The following EYS variants were observed in gnomAD, a reference collection of about 807,000 sequenced individuals.
EYS encodes protein eyes shut homolog.
EYS carries 250 observed loss-of-function variants against 282.1 expected under a neutral mutation model. The observed-to-expected ratio is 0.89, with a 90% CI of 0.80 to 0.98. EYS has a LOEUF of 0.98. EYS is among the 50% of genes least tolerant of loss of function. The pLI, the probability that EYS is intolerant of heterozygous loss-of-function variation, is 0.00. For missense variants in EYS, 4,016 were observed against 3,709.0 expected, an observed-to-expected ratio of 1.08 and a Z score of -2.15; for synonymous variants, 1,355 against 1,282.9, an observed-to-expected ratio of 1.06 and a Z score of -1.20.
At chr6:65,374,297 C>G (rs1367616957) in intron 8 of EYS, among the ~76,000 whole-genome samples, 1 of 152,054 alleles carries the variant, frequency 6.6e-6, no homozygotes, top group Non-Finnish European at 1.5e-5. Context: ...CATAAGGGGT[C>G]AGGGACCTCC....
intron 35 of EYS, among the ~76,000 whole-genome samples, chr6:63,875,877 T>G (rs556615205): frequency 6.6e-6 from 1 of 152,198 alleles, no homozygotes; most frequent in East Asian, 1.9e-4. Flanking sequence ...TCTTTGTTAG[T>G]CTTGCTAGCG....
At chr6:64,660,027 G>T (rs1389878125) in intron 22 of EYS, among the ~76,000 whole-genome samples, 1 of 152,168 alleles carries the variant, frequency 6.6e-6, no homozygotes, top group Non-Finnish European at 1.5e-5. Context: ...ACATCAAAAA[G>T]CTTATCCACT....
At chr6:65,606,362 C>G (rs1315432943) in intron 2 of EYS, among the ~76,000 whole-genome samples, 1 of 151,636 alleles carries the variant, frequency 6.6e-6, no homozygotes, top group Admixed American at 6.6e-5. Context: ...AAATGTAATT[C>G]TAATTGCCTA....
intron 14 of EYS, among the ~76,000 whole-genome samples, chr6:64,980,954 C>G (rs9351477): frequency 0.068 from 10,239 of 151,358 alleles, 439 homozygotes; most frequent in East Asian, 0.13. Flanking sequence ...AGGTACTGCT[C>G]TCATTTTAAA....
chr6:65,049,453 A>AT (rs948053186), intron 13 of EYS, among the ~76,000 whole-genome samples: 1 of 151,772 alleles, frequency 6.6e-6, no homozygotes, highest in Non-Finnish European at 1.5e-5. Flanking sequence ...GGAAAAGACC[A>AT]TTTTTCACAT....
At chr6:65,021,371 C>A (rs1181260436) in intron 13 of EYS, among the ~76,000 whole-genome samples, 2 of 152,218 alleles carry the variant, frequency 1.3e-5, no homozygotes, top group African/African-American at 2.4e-5. Flanking sequence ...TAAAGCATAA[C>A]AAGTGTCACC....
At chr6:65,487,438 C>A (rs78311792) in intron 5 of EYS, among the ~76,000 whole-genome samples, 4 of 151,972 alleles carry the variant, frequency 2.6e-5, no homozygotes, top group African/African-American at 9.7e-5. Flanking sequence ...TAATCATGTG[C>A]TTTTTGTTGT....
At chr6:64,147,175 T>C (rs939050734) in intron 31 of EYS, among the ~76,000 whole-genome samples, 1 of 151,938 alleles carries the variant, frequency 6.6e-6, no homozygotes, top group African/African-American at 2.4e-5. Context: ...TTTGCTATTC[T>C]TTTTTTTAGT....
intron 14 of EYS, among the ~76,000 whole-genome samples, chr6:64,983,395 T>C (rs1770747858): frequency 6.6e-6 from 1 of 151,258 alleles, no homozygotes; most frequent in East Asian, 1.9e-4. Context: ...TGCGGGAGCA[T>C]ATGAGCTATT....
At chr6:63,956,247 T>C (rs1765815354) in intron 35 of EYS, among the ~76,000 whole-genome samples, 1 of 152,182 alleles carries the variant, frequency 6.6e-6, no homozygotes, top group Non-Finnish European at 1.5e-5. Flanking sequence ...AATGCCTGGT[T>C]CCTGCCTTAA....
chr6:64,100,789 A>G (rs1488668825), intron 31 of EYS, among the ~76,000 whole-genome samples: 2 of 152,176 alleles, frequency 1.3e-5, no homozygotes, highest in Non-Finnish European at 2.9e-5. Context: ...TTCTTAGGGT[A>G]GGGGGTGGTT....
intron 29 of EYS, among the ~76,000 whole-genome samples, chr6:64,343,424 CA>C (rs1444140312): frequency 6.6e-6 from 1 of 152,046 alleles, no homozygotes; most frequent in Non-Finnish European, 1.5e-5. Flanking sequence ...TGCTCAACTA[CA>C]TGGAAACTGA....
intron 11 of EYS, chr6:65,301,012 T>C (rs1250714862): frequency 6.6e-6 from 1 of 152,196 alleles, no homozygotes; most frequent in Non-Finnish European, 1.5e-5. Flanking sequence ...AATTCTTTGA[T>C]TTTCAGCTTT....
intron 30 of EYS, among the ~76,000 whole-genome samples, chr6:64,273,386 G>A (rs896017737): frequency 1.3e-5 from 2 of 152,022 alleles, no homozygotes; most frequent in African/African-American, 4.8e-5. Context: ...GTAATCATCT[G>A]CAATCTAATC....
At chr6:65,127,873 A>T (rs990259683) in intron 12 of EYS, among the ~76,000 whole-genome samples, 3 of 152,092 alleles carry the variant, frequency 2.0e-5, no homozygotes, top group Non-Finnish European at 4.4e-5. Context: ...GTTTGTGCAG[A>T]ACTTTCTCTA....
chr6:64,781,196 T>C (rs544785938), intron 22 of EYS, among the ~76,000 whole-genome samples: 36 of 152,112 alleles, frequency 2.4e-4, no homozygotes, highest in Admixed American at 6.5e-4. Context: ...TTCAGGTAAA[T>C]AATGAACATT....
intron 33 of EYS, among the ~76,000 whole-genome samples, chr6:64,045,690 G>T (rs375912883): frequency 4.0e-5 from 6 of 150,678 alleles, no homozygotes; most frequent in South Asian, 4.2e-4. Flanking sequence ...CAGATGATCT[G>T]CCCGCCTCGG....
At chr6:65,412,616 C>T (rs9445543) in intron 5 of EYS, among the ~76,000 whole-genome samples, 1 of 151,962 alleles carries the variant, frequency 6.6e-6, no homozygotes, top group Admixed American at 6.6e-5. Context: ...TACTTATTTG[C>T]TATCCTTATA....
intron 22 of EYS, among the ~76,000 whole-genome samples, chr6:64,810,969 A>T (rs1764574205): frequency 1.3e-5 from 2 of 152,150 alleles, no homozygotes; most frequent in South Asian, 4.1e-4. Context: ...AACACAAAAT[A>T]GAACTCAGAA....
Sources: gnomAD v4.1 joint callset for allele counts (sites outside exome capture counted in the v4.1 genomes callset) on GRCh38, gnomAD v4.1.1 for gene constraint, MANE v1.5 for transcripts, NCBI Gene and HGNC (gene_info 2026-07-23, HGNC 2026-07-21) for gene names.